Variants in LINGO2 observed in about 807,000 individuals in gnomAD.
LINGO2 encodes leucine rich repeat and Ig domain containing 2, also known as leucine-rich repeat and immunoglobulin-like domain-containing nogo receptor-interacting protein 2.
LINGO2 carries 14 observed loss-of-function variants against 30.6 expected under a neutral mutation model. The observed-to-expected ratio is 0.46, with a 90% CI of 0.30 to 0.72. The LOEUF (loss-of-function observed/expected upper bound fraction) is 0.72. Ranked by LOEUF, LINGO2 falls within the 30% of genes least tolerant of loss-of-function variation. The pLI is 0.07. For synonymous variants in LINGO2, 317 were observed against 288.5 expected (o/e 1.10, Z -1.00); for missense variants, 729 against 751.7 (o/e 0.97, Z 0.35).
chr9:28,450,964 CT>C (rs2135070543), intron 2 of LINGO2, among the ~76,000 whole-genome samples: 1 of 151,990 alleles, frequency 6.6e-6, no homozygotes, highest in South Asian at 2.1e-4. Context: ...AGCCTGAGTC[CT>C]TTCCTTCATT....
At chr9:27,938,378 A>T in the LINGO2 span, 1 of 152,262 alleles carries the variant, frequency 6.6e-6, no homozygotes, top group Non-Finnish European at 1.5e-5. Flanking sequence ...CTAGGTCCCC[A>T]ATTCTATATA....
chr9:28,505,893 T>C (rs1820089938), intron 1 of LINGO2, among the ~76,000 whole-genome samples: 1 of 151,890 alleles, frequency 6.6e-6, no homozygotes, highest in Non-Finnish European at 1.5e-5. Flanking sequence ...TACTGATGAC[T>C]TCAACTAAAT....
At chr9:28,555,526 G>A (rs1300443832) in intron 1 of LINGO2, among the ~76,000 whole-genome samples, 1 of 151,928 alleles carries the variant, frequency 6.6e-6, no homozygotes, top group Non-Finnish European at 1.5e-5. Flanking sequence ...ACCAATAAGA[G>A]TCCAGGACCA....
At chr9:29,091,890 C>T in the LINGO2 span, among the ~76,000 whole-genome samples, 7 of 151,918 alleles carry the variant, frequency 4.6e-5, no homozygotes, top group African/African-American at 1.4e-4. Flanking sequence ...ATTTTGTCTT[C>T]TATTATTAAA....
At chr9:28,627,913 G>A (rs962992216) in intron 1 of LINGO2, among the ~76,000 whole-genome samples, 1 of 151,890 alleles carries the variant, frequency 6.6e-6, no homozygotes, top group Non-Finnish European at 1.5e-5. Context: ...TTTTGACCTT[G>A]GAGAGCTATA....
chr9:29,064,713 T>C, the LINGO2 span, among the ~76,000 whole-genome samples: 1 of 152,060 alleles, frequency 6.6e-6, no homozygotes, highest in African/African-American at 2.4e-5. Context: ...AATTTCAGGG[T>C]ATTTTTCAGC....
chr9:28,263,989 G>A (rs1418928144), intron 4 of LINGO2, among the ~76,000 whole-genome samples: 3 of 151,826 alleles, frequency 2.0e-5, no homozygotes, highest in Non-Finnish European at 4.4e-5. Context: ...GACCTACAAT[G>A]GATGAAACTC....
intron 3 of LINGO2, among the ~76,000 whole-genome samples, chr9:28,348,302 G>A (rs1402103526): frequency 2.0e-5 from 3 of 152,126 alleles, no homozygotes; most frequent in East Asian, 3.9e-4. Flanking sequence ...CACCGTGCAC[G>A]AGCCAAAGCA....
At chr9:28,275,173 A>G (rs1213492394) in intron 4 of LINGO2, among the ~76,000 whole-genome samples, 2 of 151,766 alleles carry the variant, frequency 1.3e-5, no homozygotes, top group African/African-American at 2.4e-5. Context: ...GGTTCACGCC[A>G]TTCTCCTGCC....
chr9:27,956,952 A>G (rs1819600580), intron 5 of LINGO2, among the ~76,000 whole-genome samples: 1 of 152,054 alleles, frequency 6.6e-6, no homozygotes, highest in Non-Finnish European at 1.5e-5. Context: ...TAAAATAGCC[A>G]GGCATGGTGG....
At chr9:28,239,631 C>T (rs1342109380) in intron 4 of LINGO2, among the ~76,000 whole-genome samples, 2 of 152,066 alleles carry the variant, frequency 1.3e-5, no homozygotes, top group Non-Finnish European at 2.9e-5. Flanking sequence ...AAGGAACATA[C>T]CTCAACATAA....
the LINGO2 span, among the ~76,000 whole-genome samples, chr9:29,184,374 T>C: frequency 6.6e-6 from 1 of 151,714 alleles, no homozygotes; most frequent in South Asian, 2.1e-4. Context: ...CATCATGCTA[T>C]ATGTTTTAGT....
At chr9:28,532,236 T>G (rs1821261167) in intron 1 of LINGO2, among the ~76,000 whole-genome samples, 1 of 152,240 alleles carries the variant, frequency 6.6e-6, no homozygotes, top group East Asian at 1.9e-4. Context: ...AAAAAGCAAG[T>G]TGAATAGATT....
chr9:28,148,998 C>A lies in LINGO2; in HGVS notation c.-86-136593G>T. The A allele has an allele frequency of 6.5e-7, 1 of 1,534,308 alleles. No individual in the cohort carries two copies. The highest frequency in any genetic ancestry group is 1.4e-5 in the African/African-American group (1 of 73,086). ...CCACCGCTGCAGCTGCAACCGACCC[C>A]TCCCCTGCAACTGAGGTGGGATAGA... On this transcript the variant is annotated intron_variant, in intron 4 of 5. Transcript: ENST00000379992. The surrounding 1 kb of genome is among the most constrained non-coding windows in gnomAD (Gnocchi z 5.1).
intron 4 of LINGO2, among the ~76,000 whole-genome samples, chr9:28,188,254 T>C (rs1440818004): frequency 6.6e-6 from 1 of 151,058 alleles, no homozygotes; most frequent in Non-Finnish European, 1.5e-5. Context: ...GAACATTACC[T>C]TGGACTACCT....
the LINGO2 span, among the ~76,000 whole-genome samples, chr9:29,006,751 C>G: frequency 3.9e-5 from 6 of 152,024 alleles, no homozygotes; most frequent in Non-Finnish European, 7.4e-5. Flanking sequence ...ACAGTCGTAT[C>G]ACCTTACATG....
intron 4 of LINGO2, among the ~76,000 whole-genome samples, chr9:28,280,167 A>T (rs547464681): frequency 1.1e-4 from 17 of 152,260 alleles, no homozygotes; most frequent in African/African-American, 4.1e-4. Context: ...AAAATGATGC[A>T]AAAGTAGTGT....
the LINGO2 span, among the ~76,000 whole-genome samples, chr9:28,962,053 C>CA: frequency 6.6e-6 from 1 of 151,814 alleles, no homozygotes; most frequent in Admixed American, 6.6e-5. Flanking sequence ...AACAAACAAA[C>CA]AAAAAAACAG....
the LINGO2 span, among the ~76,000 whole-genome samples, chr9:28,901,652 T>C: frequency 6.6e-6 from 1 of 151,696 alleles, no homozygotes; most frequent in African/African-American, 2.4e-5. Context: ...ATTATACCTA[T>C]GAGATGTTTT....
Sources: gnomAD v4.1 joint callset for allele counts (sites outside exome capture counted in the v4.1 genomes callset) on GRCh38, gnomAD v4.1.1 for gene constraint, Gnocchi (gnomAD v3.1) non-coding constraint, MANE v1.5 for transcripts, NCBI Gene and HGNC (gene_info 2026-07-23, HGNC 2026-07-21) for gene names.